Variants in DNMBP observed in about 807,000 individuals in gnomAD.
DNMBP encodes dynamin-binding protein.
In DNMBP, 87 loss-of-function variants were observed where a neutral mutation model predicts 150.0. The observed-to-expected ratio is 0.58, with a 90% CI of 0.49 to 0.69. The LOEUF (loss-of-function observed/expected upper bound fraction) is 0.69. Ranked by LOEUF, DNMBP falls within the 30% of genes least tolerant of loss-of-function variation. The pLI is 0.00. For synonymous variants in DNMBP, 711 were observed against 750.4 expected, an observed-to-expected ratio of 0.95 and a Z score of 0.86; for missense variants, 1,774 against 1,949.0, an observed-to-expected ratio of 0.91 and a Z score of 1.69.
intron 1 of DNMBP, among the ~76,000 whole-genome samples, chr10:99,985,183 T>C (rs1339438902): frequency 6.6e-6 from 1 of 152,166 alleles, no homozygotes; most frequent in Non-Finnish European, 1.5e-5. Context: ...GCTAAGATCA[T>C]TAGCAGGGTA....
At chr10:99,949,859 AAAAAAT>A (rs1243406563) in intron 4 of DNMBP, among the ~76,000 whole-genome samples, 2 of 152,214 alleles carry the variant, frequency 1.3e-5, no homozygotes, top group African/African-American at 2.4e-5. Flanking sequence ...CTGCACACAC[AAAAAAT>A]AAAAATAAAA....
intron 1 of DNMBP, among the ~76,000 whole-genome samples, chr10:99,992,773 G>A (rs570402076): frequency 1.9e-4 from 29 of 152,174 alleles, no homozygotes; most frequent in African/African-American, 6.3e-4. Context: ...TGATCTACTC[G>A]CCTGGGCCTC....
At chr10:99,958,897 CGTAA>C (rs1463098746) in intron 3 of DNMBP, among the ~76,000 whole-genome samples, 1 of 152,190 alleles carries the variant, frequency 6.6e-6, no homozygotes. Flanking sequence ...GCAATTAACT[CGTAA>C]GAAATTACCA....
At chr10:99,895,733 C>G (rs2039643053) in intron 10 of DNMBP, among the ~76,000 whole-genome samples, 1 of 152,190 alleles carries the variant, frequency 6.6e-6, no homozygotes. Flanking sequence ...ATGACTCTTG[C>G]TCTCACTGAA....
intron 4 of DNMBP, chr10:99,929,670 C>A: frequency 1.4e-6 from 1 of 702,602 alleles, no homozygotes; most frequent in Non-Finnish European, 2.6e-6. Context: ...TGCTGTGCGG[C>A]GGAGGCAACT....
intron 4 of DNMBP, chr10:99,930,474 T>A (rs1201599711): frequency 2.8e-6 from 2 of 702,910 alleles, no homozygotes; most frequent in Non-Finnish European, 2.6e-6. Context: ...ATAACCATCA[T>A]GACCTCCGTG....
intron 1 of DNMBP, among the ~76,000 whole-genome samples, chr10:99,972,867 T>C (rs1564750997): frequency 6.6e-6 from 1 of 152,212 alleles, no homozygotes; most frequent in Non-Finnish European, 1.5e-5. Flanking sequence ...CTCTGCCTCC[T>C]GGCTCAGCCT....
At chr10:99,997,863 G>A (rs1475637754) in intron 1 of DNMBP, among the ~76,000 whole-genome samples, 5 of 143,690 alleles carry the variant, frequency 3.5e-5, no homozygotes, top group African/African-American at 1.3e-4. Flanking sequence ...AGGAGGCAAA[G>A]GCTGCAGTGA....
At chr10:99,960,437 G>A (rs1469415195) in intron 3 of DNMBP, among the ~76,000 whole-genome samples, 1 of 152,128 alleles carries the variant, frequency 6.6e-6, no homozygotes, top group Non-Finnish European at 1.5e-5. Context: ...AAAATCCTAT[G>A]AGTCATTTTA....
chr10:99,908,971 T>A lies in DNMBP; in HGVS notation c.2436A>T (p.Val812=). The change falls in exon 5 of 17, where the codon GTA becomes GTT. Residue 812 remains valine (V), a synonymous_variant. Coordinates refer to ENST00000324109, the MANE Select transcript of DNMBP (RefSeq NM_015221.4). ...TTCCCACCTGTGCCTGCTGCATGGG[T>A]ACCATGATCCGCTCAATACACATTT... ...DLEMCIERIM[V]PMQQAQVPNI... 1 of 1,613,680 alleles carries A rather than the reference T, an allele frequency of 6.2e-7. No individual in the cohort carries two copies. The highest frequency in any genetic ancestry group is 8.5e-7 in the Non-Finnish European group (1 of 1,179,766).
intron 1 of DNMBP, among the ~76,000 whole-genome samples, chr10:99,997,927 CAAAA>C (rs71009798): frequency 3.3e-3 from 74 of 22,318 alleles, no homozygotes; most frequent in African/African-American, 0.01. Flanking sequence ...GACTCTGTCT[CAAAA>C]AAAAAAAAAA....
chr10:99,903,345 T>G (rs566344278), intron 6 of DNMBP, among the ~76,000 whole-genome samples: 81 of 151,948 alleles, frequency 5.3e-4, no homozygotes, highest in East Asian at 2.9e-3. Context: ...GTTTTGTTTT[T>G]TTTTAAGAGA....
chr10:99,920,302 C>T (rs2040008526), intron 4 of DNMBP, among the ~76,000 whole-genome samples: 1 of 152,110 alleles, frequency 6.6e-6, no homozygotes, highest in Admixed American at 6.6e-5. Context: ...CTCAAACTCC[C>T]AACCTCAGGT....
chr10:100,003,347 A>G (rs1460146014), intron 1 of DNMBP, among the ~76,000 whole-genome samples: 2 of 152,166 alleles, frequency 1.3e-5, no homozygotes, highest in African/African-American at 4.8e-5. Flanking sequence ...ACTCCATTCC[A>G]AAAGAAAAAC....
At chr10:99,915,129 A>G (rs2039948909) in intron 4 of DNMBP, among the ~76,000 whole-genome samples, 1 of 126,678 alleles carries the variant, frequency 7.9e-6, no homozygotes, top group African/African-American at 3.3e-5. Flanking sequence ...ATATATATAT[A>G]CACACACACA....
chr10:99,970,485 C>T (rs1020043532), intron 2 of DNMBP, among the ~76,000 whole-genome samples: 4 of 152,084 alleles, frequency 2.6e-5, no homozygotes, highest in Non-Finnish European at 5.9e-5. Context: ...AAATTTGGGC[C>T]AGCCATGGAT....
At chr10:99,963,672 T>C (rs11498762) in intron 3 of DNMBP, among the ~76,000 whole-genome samples, 65,352 of 143,290 alleles carry the variant, frequency 0.46, 15,553 homozygotes, top group African/African-American at 0.62. Flanking sequence ...ACACTGCTTG[T>C]TTCCTCTGGT....
chr10:100,005,786 C>CAAAAAAAAAAAAAAAAAAAAAA (rs1589458237), intron 1 of DNMBP, among the ~76,000 whole-genome samples: 3 of 101,072 alleles, frequency 3.0e-5, no homozygotes, highest in Admixed American at 9.7e-5. Context: ...AAAAAAAAAC[C>CAAAAAAAAAAAAAAAAAAAAAA]AAACTACATA....
intron 4 of DNMBP, among the ~76,000 whole-genome samples, chr10:99,924,362 G>A (rs1323937543): frequency 6.6e-6 from 1 of 152,188 alleles, no homozygotes; most frequent in East Asian, 1.9e-4. Context: ...AGAATGGCAT[G>A]GACCCAGGAA....
Sources: allele counts gnomAD v4.1 joint callset (sites outside exome capture counted in the v4.1 genomes callset), GRCh38; gene constraint gnomAD v4.1.1; transcripts MANE v1.5; gene names NCBI Gene and HGNC (gene_info 2026-07-23, HGNC 2026-07-21).